Variants in TFDP2 observed in about 807,000 individuals in gnomAD.
TFDP2 encodes transcription factor Dp-2 (E2F dimerization partner 2).
A neutral mutation model predicts 59.3 loss-of-function variants in TFDP2; 17 were observed. The ratio of observed to expected loss-of-function variants is 0.29; its 90% CI spans 0.20 to 0.43. The LOEUF is 0.43. Ranked by LOEUF, TFDP2 falls within the 20% of genes least tolerant of loss-of-function variation. The pLI is 1.00. For synonymous variants in TFDP2, 180 were observed against 194.7 expected (o/e 0.92, Z 0.63); for missense variants, 391 against 528.8 (o/e 0.74, Z 2.56).
rs371298659 is a variant in TFDP2 at position 142,128,685 on chromosome 3, AAAAG to A, written c.-93+20494_-93+20497del. On this transcript the variant is annotated intron_variant, in intron 1 of 12. Transcript: ENST00000489671. ...AGAAAGAAAAAAGAGAAGGAAGGAA[AAAAG>A]AAAGAGAGGGAGGGAGGGGAAGTAG... is the stretch of plus-strand genomic sequence containing the variant. 4.5e-3 allele frequency among the ~76,000 whole-genome samples: 690 copies of A among 152,164 alleles called. 5 individuals are homozygous for A. The highest frequency in any genetic ancestry group is 0.015 in the African/African-American group (643 of 41,518).
intron 1 of TFDP2, among the ~76,000 whole-genome samples, chr3:142,110,342 A>G (rs991410361): frequency 3.3e-5 from 5 of 152,112 alleles, no homozygotes; most frequent in Non-Finnish European, 7.4e-5. Flanking sequence ...TGTCTCTACT[A>G]AAAATACAAA....
rs1576518317 is a variant in TFDP2 at position 141,971,752 on chromosome 3, A to G, written c.664-1611T>C. On this transcript the variant is annotated intron_variant, in intron 8 of 12. Coordinates refer to ENST00000489671, the MANE Select transcript of TFDP2 (RefSeq NM_001178139.2). ...AGGCCAGTTGCAGCTGGCATAAGAG[A>G]GTCTTCTCTATTTTACCCTTACAAG... Among the ~76,000 whole-genome samples, 3 of 152,250 alleles carry G rather than the reference A, an allele frequency of 2.0e-5. No individual in the cohort carries two copies. The South Asian group carries it at 6.2e-4, about 32-fold the overall frequency.
At chr3:142,056,697 T>C (rs1488764094) in intron 3 of TFDP2, among the ~76,000 whole-genome samples, 1 of 152,184 alleles carries the variant, frequency 6.6e-6, no homozygotes. Flanking sequence ...TGAAAAAGTA[T>C]GTTATTTGCT....
At chr3:142,047,124 A>T (rs1360820539) in intron 3 of TFDP2, among the ~76,000 whole-genome samples, 1 of 152,242 alleles carries the variant, frequency 6.6e-6, no homozygotes, top group Non-Finnish European at 1.5e-5. Context: ...TCTAATCCAG[A>T]TTAACAACGT....
chr3:142,123,122 C>G (rs1309367366), intron 1 of TFDP2, among the ~76,000 whole-genome samples: 4 of 151,950 alleles, frequency 2.6e-5, no homozygotes, highest in African/African-American at 7.3e-5. Context: ...CCACTACAGC[C>G]CTGCTAATTT....
At chr3:142,056,415 G>T (rs1431809385) in intron 3 of TFDP2, among the ~76,000 whole-genome samples, 3 of 151,700 alleles carry the variant, frequency 2.0e-5, no homozygotes, top group Non-Finnish European at 4.4e-5. Flanking sequence ...GGTAAATATA[G>T]AAGCGGGATA....
At chr3:142,003,438 T>C (rs182002642) in intron 4 of TFDP2, among the ~76,000 whole-genome samples, 197 of 152,276 alleles carry the variant, frequency 1.3e-3, no homozygotes, top group South Asian at 2.3e-3. Context: ...CCTCAACTTC[T>C]TTTATAAGGT....
At chr3:142,145,156 T>C (rs2063122834) in intron 1 of TFDP2, among the ~76,000 whole-genome samples, 1 of 152,116 alleles carries the variant, frequency 6.6e-6, no homozygotes, top group Admixed American at 6.5e-5. Flanking sequence ...CTGGAGGAAA[T>C]GAAAGCTCAA....
At chr3:141,964,543 C>T (rs946141762) in intron 9 of TFDP2, among the ~76,000 whole-genome samples, 4 of 151,972 alleles carry the variant, frequency 2.6e-5, no homozygotes, top group Non-Finnish European at 4.4e-5. Context: ...TCCCAGCTAC[C>T]CAGGAGGCTG....
intron 3 of TFDP2, among the ~76,000 whole-genome samples, chr3:142,061,623 T>A (rs749982850): frequency 7.9e-5 from 12 of 152,116 alleles, no homozygotes; most frequent in Non-Finnish European, 1.5e-4. Context: ...CATCTTTTCC[T>A]GCCTGTGAAA....
At chr3:142,019,572 A>G (rs1394858143) in intron 3 of TFDP2, among the ~76,000 whole-genome samples, 2 of 152,116 alleles carry the variant, frequency 1.3e-5, no homozygotes, top group African/African-American at 4.8e-5. Flanking sequence ...TATAGGTTTT[A>G]TATTTCCAGT....
At chr3:142,023,187 G>GT (rs1560050911) in intron 3 of TFDP2, among the ~76,000 whole-genome samples, 4 of 149,106 alleles carry the variant, frequency 2.7e-5, no homozygotes, top group Admixed American at 2.7e-4. Flanking sequence ...TTTAAAATAA[G>GT]TTTTTTTATT....
chr3:142,019,508 C>A (rs1945423055), intron 3 of TFDP2, among the ~76,000 whole-genome samples: 1 of 152,126 alleles, frequency 6.6e-6, no homozygotes, highest in African/African-American at 2.4e-5. Context: ...TACCTTTGCT[C>A]CCTGGAAGTG....
intron 3 of TFDP2, 58 bp downstream of exon 3, chr3:142,093,003 C>T: frequency 8.3e-7 from 1 of 1,200,400 alleles, no homozygotes; most frequent in Admixed American, 2.4e-5. Flanking sequence ...GCATATTTTA[C>T]AAAACAAATG....
chr3:142,013,759 T>C (rs1944902376), intron 3 of TFDP2, among the ~76,000 whole-genome samples: 1 of 149,998 alleles, frequency 6.7e-6, no homozygotes, highest in Non-Finnish European at 1.5e-5. Flanking sequence ...TAGAATTGTC[T>C]AGACACCACA....
intron 3 of TFDP2, among the ~76,000 whole-genome samples, chr3:142,051,564 T>A (rs531687582): frequency 1.9e-4 from 28 of 150,150 alleles, no homozygotes; most frequent in African/African-American, 6.8e-4. Context: ...AAATGTCCCC[T>A]AGGGGCAAAA....
intron 1 of TFDP2, among the ~76,000 whole-genome samples, chr3:142,130,926 G>A (rs1227752825): frequency 3.6e-5 from 5 of 140,820 alleles, no homozygotes; most frequent in East Asian, 3.9e-4. Flanking sequence ...GGTGGTGGGC[G>A]CCTGTAATCT....
intron 6 of TFDP2, among the ~76,000 whole-genome samples, chr3:141,992,367 G>C (rs139637613): frequency 3.1e-3 from 473 of 152,272 alleles, no homozygotes; most frequent in Non-Finnish European, 5.1e-3. Flanking sequence ...ACTTTTATGT[G>C]TTCTCACTTA....
chr3:142,043,939 G>T, intron 3 of TFDP2: 1 of 800,030 alleles, frequency 1.2e-6, no homozygotes, highest in Non-Finnish European at 2.2e-6. Context: ...TGGCATTCGC[G>T]CATTGGCTGT....
Sources: gnomAD v4.1 joint callset for allele counts (sites outside exome capture counted in the v4.1 genomes callset) on GRCh38, gnomAD v4.1.1 for gene constraint, MANE v1.5 for transcripts, NCBI Gene and HGNC (gene_info 2026-07-23, HGNC 2026-07-21) for gene names.